ZNF398: variants seen among roughly 807,000 people sequenced by gnomAD.
ZNF398 encodes the protein zinc finger protein 398.
In ZNF398, 18 loss-of-function variants were observed where a neutral mutation model predicts 41.9. That is an observed-to-expected ratio of 0.43 (90% CI 0.30 to 0.64). The LOEUF (loss-of-function observed/expected upper bound fraction) is 0.64. Among genes scored for constraint, ZNF398 ranks in the 30% least tolerant of loss-of-function variants. The pLI is 0.14. For synonymous variants in ZNF398, 260 were observed against 308.8 expected (o/e 0.84, Z 1.66); for missense variants, 669 against 822.8 (o/e 0.81, Z 2.29).
rs1305260656 is a variant in ZNF398 at position 149,127,758 on chromosome 7, T to G, written c.-611-1065T>G. ...AACAAACAAAAAAACTAACGTTTCT[T>G]TGGGTGTAAAGTTCTATGAATTTTC... is the stretch of plus-strand genomic sequence containing the variant. On this transcript the variant is annotated intron_variant, in intron 1 of 6. Transcript: ENST00000426851. Among the ~76,000 whole-genome samples the G allele has an allele frequency of 2.6e-5, 4 of 152,148 alleles. No individual in the cohort carries two copies. The East Asian group carries it at 7.7e-4, about 29-fold the overall frequency.
intron 1 of ZNF398, among the ~76,000 whole-genome samples, chr7:149,149,840 GCAAA>G (rs912605345): frequency 2.6e-5 from 4 of 152,212 alleles, no homozygotes; most frequent in South Asian, 2.1e-4. Context: ...CCTGTCTCAA[GCAAA>G]CAAACAAATA....
At position 149,154,283 on chromosome 7, in the gene ZNF398, C is replaced by A; in HGVS notation, c.363C>A (p.Arg121=). ...TGGAGAACTTGGAGAACCTGCTGCG[C>A]AACAGGAACTTCTGGATCCTGCGGC... is the stretch of plus-strand genomic sequence containing the variant. ...RRLENLENLL[R]NRNFWILRLP... Residue 121 remains arginine (R), a synonymous_variant, in exon 2 of 6, where the codon CGC becomes CGA. Coordinates refer to ENST00000475153, the MANE Select transcript of ZNF398 (RefSeq NM_170686.3). 1 of 1,614,118 alleles carries A rather than the reference C, an allele frequency of 6.2e-7. No individual in the cohort carries two copies. The highest frequency in any genetic ancestry group is 8.5e-7 in the Non-Finnish European group (1 of 1,180,006).
intron 1 of ZNF398, among the ~76,000 whole-genome samples, chr7:149,152,810 C>T (rs1359708299): frequency 1.3e-5 from 2 of 151,630 alleles, no homozygotes; most frequent in Non-Finnish European, 2.9e-5. Context: ...GGTGATCGGC[C>T]TCTCAAAGTA....
At chr7:149,135,389 CAAAAAAAAAA>C (rs777888671) in intron 2 of ZNF398, among the ~76,000 whole-genome samples, 1 of 61,408 alleles carries the variant, frequency 1.6e-5, no homozygotes, top group African/African-American at 5.9e-5. Flanking sequence ...GACTCTGTCT[CAAAAAAAAAA>C]AAAAAAAAAA....
At chr7:149,169,790 T>C (rs1376379444) in intron 4 of ZNF398, among the ~76,000 whole-genome samples, 1 of 152,066 alleles carries the variant, frequency 6.6e-6, no homozygotes, top group Non-Finnish European at 1.5e-5. Flanking sequence ...TGCTCCTGGC[T>C]CTGTTGGAGG....
At chr7:149,172,133 G>A (rs900403136) in intron 4 of ZNF398, among the ~76,000 whole-genome samples, 1 of 152,152 alleles carries the variant, frequency 6.6e-6, no homozygotes, top group African/African-American at 2.4e-5. Context: ...TCATTTAGGG[G>A]AAGTTTTGTA....
chr7:149,149,107 A>G (rs1336565487), intron 1 of ZNF398, among the ~76,000 whole-genome samples: 3 of 151,462 alleles, frequency 2.0e-5, no homozygotes, highest in Admixed American at 6.6e-5. Flanking sequence ...AGTTCGAGGC[A>G]GTCCACACCG....
At chr7:149,149,955 G>A (rs1563157240) in intron 1 of ZNF398, among the ~76,000 whole-genome samples, 1 of 152,120 alleles carries the variant, frequency 6.6e-6, no homozygotes, top group Non-Finnish European at 1.5e-5. Context: ...TGTAGGTAGT[G>A]GCTACTGTAT....
At chr7:149,169,542 C>T (rs1258459854) in intron 4 of ZNF398, among the ~76,000 whole-genome samples, 2 of 152,154 alleles carry the variant, frequency 1.3e-5, no homozygotes, top group East Asian at 1.9e-4. Context: ...GCCTGTGCCT[C>T]CTGGGCCCAA....
In ZNF398 at chr7:149,182,684, A is replaced by C. The variant is rs1485789502; in HGVS notation, c.*2883A>C. 6.6e-6 allele frequency: 1 copy of C among 152,232 alleles called. No homozygotes were observed. Among genetic ancestry groups the C allele is most frequent in the Non-Finnish European group, 1.5e-5 (1 of 68,034 alleles). 9.4% of individuals were successfully genotyped at this position (152,232 alleles called of 1,614,324 possible). A position where few individuals can be genotyped will look rare whatever the true frequency, so the allele number is the denominator to read the frequency against. On this transcript the variant is annotated 3_prime_UTR_variant, in exon 6 of 6. Coordinates refer to ENST00000475153, the MANE Select transcript of ZNF398 (RefSeq NM_170686.3). Reference sequence around the variant, plus strand: ...TCCCTTAGAGTGGATCCAGGTGTTGACTATAACCAGATTTACTCTTTGCTT... The same window carrying C: ...TCCCTTAGAGTGGATCCAGGTGTTGCCTATAACCAGATTTACTCTTTGCTT...
chr7:149,135,383 C>T (rs1375588688), intron 2 of ZNF398, among the ~76,000 whole-genome samples: 1 of 96,360 alleles, frequency 1.0e-5, no homozygotes, highest in Non-Finnish European at 1.9e-5. Context: ...GAGCAAGACT[C>T]TGTCTCAAAA....
chr7:149,160,786 T>G (rs970856192), intron 2 of ZNF398, among the ~76,000 whole-genome samples: 1 of 152,240 alleles, frequency 6.6e-6, no homozygotes, highest in Non-Finnish European at 1.5e-5. Flanking sequence ...AGCTTTAGAT[T>G]ATCACCTTTC....
At chr7:149,143,722 G>C (rs893205188), upstream of ZNF398, among the ~76,000 whole-genome samples, 1 of 152,162 alleles carries the variant, frequency 6.6e-6, no homozygotes, top group Non-Finnish European at 1.5e-5. Context: ...TGAGGCAGGA[G>C]AATCACTTGA....
At chr7:149,136,809 C>T (rs1050463307) in intron 2 of ZNF398, among the ~76,000 whole-genome samples, 1 of 151,290 alleles carries the variant, frequency 6.6e-6, no homozygotes, top group Non-Finnish European at 1.5e-5. Context: ...ACCTCGTGAT[C>T]CACCTGCCTT....
chr7:149,133,897 A>G (rs997729471), intron 2 of ZNF398, among the ~76,000 whole-genome samples: 1 of 149,434 alleles, frequency 6.7e-6, no homozygotes, highest in African/African-American at 2.5e-5. Context: ...GATTACAGGC[A>G]TGCGCCACTG....
intron 2 of ZNF398, among the ~76,000 whole-genome samples, chr7:149,135,843 G>A (rs1433942811): frequency 1.3e-5 from 2 of 152,000 alleles, no homozygotes; most frequent in Non-Finnish European, 2.9e-5. Flanking sequence ...TGTAGTCCCA[G>A]CTACTCAAGA....
chr7:149,159,819 C>G (rs1795067019), intron 2 of ZNF398, among the ~76,000 whole-genome samples: 1 of 152,040 alleles, frequency 6.6e-6, no homozygotes, highest in Non-Finnish European at 1.5e-5. Flanking sequence ...CCTCCACCTC[C>G]CAGGCTCAAG....
intron 3 of ZNF398, among the ~76,000 whole-genome samples, chr7:149,166,513 G>T (rs1795228489): frequency 6.6e-6 from 1 of 152,178 alleles, no homozygotes. Flanking sequence ...TGTGACAGCT[G>T]GTGGTTTCCA....
chr7:149,148,616 G>C (rs1472421060), intron 1 of ZNF398: 1 of 369,254 alleles, frequency 2.7e-6, no homozygotes, highest in African/African-American at 2.2e-5. Flanking sequence ...TCCACTCTTG[G>C]ACCTGTTTTT....
Sources: gnomAD v4.1 joint callset for allele counts (sites outside exome capture counted in the v4.1 genomes callset) on GRCh38, gnomAD v4.1.1 for gene constraint, MANE v1.5 for transcripts, NCBI Gene and HGNC (gene_info 2026-07-23, HGNC 2026-07-21) for gene names.